Variants in COLEC10 observed in about 807,000 individuals in gnomAD.
COLEC10 encodes collectin subfamily member 10.
In COLEC10, 22 loss-of-function variants were observed where a neutral mutation model predicts 28.4. The ratio of observed to expected loss-of-function variants is 0.78; its 90% confidence interval spans 0.55 to 1.11. COLEC10 has a LOEUF of 1.11. Among genes scored for constraint, COLEC10 ranks in the 50% least tolerant of loss-of-function variants. COLEC10 has a pLI of 0.00. For synonymous variants in COLEC10, 125 were observed against 116.1 expected (o/e 1.08, Z -0.49); for missense variants, 361 against 344.1 (o/e 1.05, Z -0.39).
At chr8:118,959,753 G>A in the COLEC10 span, among the ~76,000 whole-genome samples, 1 of 152,204 alleles carries the variant, frequency 6.6e-6, no homozygotes, top group East Asian at 1.9e-4. Flanking sequence ...GCTGGGACAT[G>A]TGTCCCCAAG....
At chr8:119,031,272 A>G (rs1017030052) in intron 2 of COLEC10, among the ~76,000 whole-genome samples, 2 of 152,236 alleles carry the variant, frequency 1.3e-5, no homozygotes, top group African/African-American at 4.8e-5. Flanking sequence ...CCTATCTGTC[A>G]GGTATTGGGT....
Position 119,106,353 on chromosome 8 carries a change from A to G in COLEC10, c.*162A>G. The G allele has an allele frequency of 1.5e-6, 1 of 662,288 alleles. No homozygotes were observed. Among genetic ancestry groups the G allele is most frequent in the Non-Finnish European group, 2.5e-6 (1 of 400,052 alleles). 41.0% of individuals were successfully genotyped at this position (662,288 alleles called of 1,614,324 possible). On this transcript the variant is annotated 3_prime_UTR_variant, in exon 6 of 6. Transcript: ENST00000332843. ...TCCATCATCATGCTCTTTTGTGATG[A>G]TTTTCATATTTTCACACATGGTATA...
At chr8:119,037,410 TA>T (rs1445270961) in intron 2 of COLEC10, among the ~76,000 whole-genome samples, 4 of 152,072 alleles carry the variant, frequency 2.6e-5, no homozygotes, top group Admixed American at 6.6e-5. Flanking sequence ...CTAAACTTGA[TA>T]TTTTTTTTTT....
Position 119,019,026 on chromosome 8 carries a change from A to G in COLEC10, n.235+9473A>G, listed in dbSNP as rs117150584. ...AAAAGCTATAAAATTCTAAGAAAAG[A>G]TGCCTACTATCTTCCCCTTCTGCAG... On this transcript the variant is annotated intron_variant and non_coding_transcript_variant, in intron 2 of 6. Coordinates refer to the COLEC10 transcript ENST00000521788. 1.4e-3 allele frequency among the ~76,000 whole-genome samples: 216 copies of G among 152,286 alleles called. 3 individuals carry two copies. The East Asian group carries it at 0.035, about 25-fold the overall frequency.
chr8:119,053,380 G>C (rs1814707602), intron 2 of COLEC10, among the ~76,000 whole-genome samples: 1 of 152,088 alleles, frequency 6.6e-6, no homozygotes, highest in Non-Finnish European at 1.5e-5. Flanking sequence ...GAAGCTCAAG[G>C]CTGTTTCATT....
intron 1 of COLEC10, among the ~76,000 whole-genome samples, chr8:119,078,484 G>A (rs1815300258): frequency 6.6e-6 from 1 of 152,174 alleles, no homozygotes; most frequent in South Asian, 2.1e-4. Context: ...TTGGAATAGA[G>A]AGAATGGGGT....
At chr8:119,050,679 AT>A (rs1181929887) in intron 2 of COLEC10, among the ~76,000 whole-genome samples, 2 of 152,186 alleles carry the variant, frequency 1.3e-5, no homozygotes, top group Admixed American at 6.5e-5. Flanking sequence ...ATTTTTGGAG[AT>A]AAAAAGGCAG....
the COLEC10 span, among the ~76,000 whole-genome samples, chr8:118,952,590 T>G: frequency 6.6e-6 from 1 of 152,228 alleles, no homozygotes; most frequent in Non-Finnish European, 1.5e-5. Context: ...CATTCACTCC[T>G]TGTTATCTGG....
intron 2 of COLEC10, among the ~76,000 whole-genome samples, chr8:119,017,366 G>A (rs1472144649): frequency 1.3e-5 from 2 of 152,114 alleles, no homozygotes; most frequent in Admixed American, 6.5e-5. Flanking sequence ...ATTTAAGCAG[G>A]TAATTGTTTT....
chr8:119,008,311 G>C (rs986357622), intron 1 of COLEC10, among the ~76,000 whole-genome samples: 1 of 150,776 alleles, frequency 6.6e-6, no homozygotes, highest in African/African-American at 2.5e-5. Context: ...ATGCTGGAAA[G>C]TCCCAGAATA....
At chr8:119,044,556 CAT>C (rs1376527493) in intron 2 of COLEC10, among the ~76,000 whole-genome samples, 3 of 151,854 alleles carry the variant, frequency 2.0e-5, no homozygotes, top group Non-Finnish European at 4.4e-5. Context: ...TTGAAAAAAA[CAT>C]AACTGGGCGG....
At chr8:119,092,081 T>C (rs1180204227) in intron 3 of COLEC10, among the ~76,000 whole-genome samples, 1 of 150,176 alleles carries the variant, frequency 6.7e-6, no homozygotes, top group Non-Finnish European at 1.5e-5. Flanking sequence ...TTTTTTTTTT[T>C]TTTTTTGAGA....
At chr8:119,055,719 A>G (rs74500607) in intron 2 of COLEC10, among the ~76,000 whole-genome samples, 7,351 of 152,166 alleles carry the variant, frequency 0.048, 275 homozygotes, top group East Asian at 0.16. Flanking sequence ...AAAAAGTGCT[A>G]TTAAGTATCA....
chr8:119,050,915 A>G (rs546232310), intron 2 of COLEC10, among the ~76,000 whole-genome samples: 1 of 152,318 alleles, frequency 6.6e-6, no homozygotes, highest in East Asian at 1.9e-4. Flanking sequence ...ACATCTAAAA[A>G]ATTCTGCGAA....
chr8:119,083,462 A>G (rs1320522571), intron 1 of COLEC10, among the ~76,000 whole-genome samples: 1 of 152,190 alleles, frequency 6.6e-6, no homozygotes, highest in Admixed American at 6.6e-5. Flanking sequence ...AGTAAGTGTG[A>G]TTTCCTGCAG....
chr8:119,067,346 A>G lies in COLEC10; in HGVS notation c.65A>G (p.Gln22Arg). Residue 22 changes from glutamine (Q) to arginine (R), a missense_variant, in exon 1 of 6, where the codon CAA (glutamine) becomes CGA (arginine). Coordinates refer to ENST00000332843, the MANE Select transcript of COLEC10 (RefSeq NM_006438.5). ...ATCCTCCTGGTACTATTTCTTTTGCAAATTCAGAGTCTGGGTCTGGATATT... is the reference window on the plus strand; with the variant it reads ...ATCCTCCTGGTACTATTTCTTTTGCGAATTCAGAGTCTGGGTCTGGATATT... The part of the protein sequence containing the change: ...QFILLVLFLL[Q>R]IQSLGLDIDS... 6.2e-7 allele frequency: 1 copy of G among 1,614,100 alleles called. No individual in the cohort carries two copies. Among genetic ancestry groups the G allele is most frequent in the Admixed American group, 1.7e-5 (1 of 60,004 alleles).
At chr8:118,979,154 A>C in the COLEC10 span, among the ~76,000 whole-genome samples, 1 of 151,934 alleles carries the variant, frequency 6.6e-6, no homozygotes, top group East Asian at 1.9e-4. Flanking sequence ...TTTGAAATGC[A>C]TTTTATTATA....
chr8:119,058,529 G>A (rs1360201622), intron 2 of COLEC10, among the ~76,000 whole-genome samples: 5 of 151,962 alleles, frequency 3.3e-5, no homozygotes, highest in Admixed American at 2.0e-4. Context: ...GTATCCATTT[G>A]TGTCTGATTT....
the COLEC10 span, among the ~76,000 whole-genome samples, chr8:118,962,768 T>C: frequency 2.0e-5 from 3 of 152,172 alleles, no homozygotes; most frequent in African/African-American, 4.8e-5. Flanking sequence ...CACCTTCCCA[T>C]TTTCCACACC....
Sources: gnomAD v4.1 joint callset for allele counts (sites outside exome capture counted in the v4.1 genomes callset) on GRCh38, gnomAD v4.1.1 for gene constraint, MANE v1.5 for transcripts, NCBI Gene and HGNC (gene_info 2026-07-23, HGNC 2026-07-21) for gene names.